Variants in CNTN6 observed in about 807,000 individuals in gnomAD.
The protein encoded by CNTN6 is contactin-6.
In CNTN6, 137 loss-of-function variants were observed where a neutral mutation model predicts 122.8. The ratio of observed to expected loss-of-function variants is 1.12; its 90% CI spans 0.97 to 1.29. The LOEUF (loss-of-function observed/expected upper bound fraction) is 1.29. Among genes scored for constraint, CNTN6 ranks in the 50% most tolerant of loss-of-function variants. CNTN6 has a pLI of 0.00. For synonymous variants in CNTN6, 570 were observed against 426.0 expected (o/e 1.34, Z -4.16); for missense variants, 1,634 against 1,223.4 (o/e 1.34, Z -5.01).
chr3:1,316,330 C>A (rs1042282129), intron 7 of CNTN6, among the ~76,000 whole-genome samples: 1 of 151,722 alleles, frequency 6.6e-6, no homozygotes, highest in Non-Finnish European at 1.5e-5. Context: ...TCTGGGGAGG[C>A]CTCAGGAAAC....
At chr3:1,229,130 C>T (rs1331741376) in intron 4 of CNTN6, among the ~76,000 whole-genome samples, 4 of 152,036 alleles carry the variant, frequency 2.6e-5, no homozygotes, top group South Asian at 4.1e-4. Flanking sequence ...AAGAAGTGAA[C>T]GTGGAAGTTT....
In CNTN6 at chr3:1,383,004, G is replaced by A. The variant is rs370576814; in HGVS notation, c.2229G>A (p.Val743=). The A allele has an allele frequency of 6.2e-7, 1 of 1,614,100 alleles. No individual in the cohort carries two copies. The change falls in exon 18 of 23, where the codon GTG becomes GTA. Residue 743 remains valine (V), a synonymous_variant. Coordinates refer to ENST00000446702, the MANE Select transcript of CNTN6 (RefSeq NM_001289080.2). The part of the protein sequence containing the change: ...GFGYIIMFRP[V]GSTTWSKEKV... ...GATATATCATCATGTTCCGGCCAGT[G>A]GGCTCGACAACCTGGTCCAAGGAGA...
At chr3:1,208,774 C>T (rs1286190497) in intron 2 of CNTN6, among the ~76,000 whole-genome samples, 1 of 146,922 alleles carries the variant, frequency 6.8e-6, no homozygotes, top group Admixed American at 6.8e-5. Context: ...TCGCAGAGTT[C>T]TTGAAAGGAC....
At chr3:1,099,891 C>T (rs1430679742) in intron 1 of CNTN6, among the ~76,000 whole-genome samples, 2 of 151,990 alleles carry the variant, frequency 1.3e-5, no homozygotes, top group African/African-American at 2.4e-5. Flanking sequence ...CTCCCTTTAT[C>T]GTATTTTAGT....
chr3:1,098,461 A>C lies in CNTN6; in HGVS notation c.-83+5341A>C, dbSNP rs1435111094. Among the ~76,000 whole-genome samples the C allele has an allele frequency of 2.0e-5, 3 of 151,944 alleles. No homozygotes were observed. In the South Asian group the frequency reaches 6.2e-4, roughly 32 times the overall value. On this transcript the variant is annotated intron_variant, in intron 1 of 22. Coordinates refer to ENST00000446702, the MANE Select transcript of CNTN6 (RefSeq NM_001289080.2). ...AGTAATGTATGCACCTGGAAACAAC[A>C]ACAATAAAATTTGAAATTATAGAGA...
intron 1 of CNTN6, among the ~76,000 whole-genome samples, chr3:1,093,777 T>A (rs2090368586): frequency 6.6e-6 from 1 of 152,198 alleles, no homozygotes; most frequent in Admixed American, 6.5e-5. Flanking sequence ...CTTATAATAC[T>A]TTATGAAAAC....
At chr3:1,246,009 C>T (rs189786451) in intron 4 of CNTN6, among the ~76,000 whole-genome samples, 1 of 152,238 alleles carries the variant, frequency 6.6e-6, no homozygotes, top group East Asian at 1.9e-4. Flanking sequence ...TGCATGCAGC[C>T]TGAGGGCTGT....
chr3:1,122,243 G>A (rs1045324161), intron 1 of CNTN6, among the ~76,000 whole-genome samples: 3 of 150,474 alleles, frequency 2.0e-5, no homozygotes, highest in East Asian at 2.0e-4. Context: ...AACCTTGCAG[G>A]AAATATACAT....
At chr3:1,131,035 T>C (rs1010227) in intron 1 of CNTN6, among the ~76,000 whole-genome samples, 40,847 of 152,018 alleles carry the variant, frequency 0.27, 6,583 homozygotes, top group African/African-American at 0.45. Context: ...TATCAGGTTG[T>C]TCCAGCGAAA....
chr3:1,174,503 G>A (rs902770058), intron 2 of CNTN6, among the ~76,000 whole-genome samples: 7 of 152,112 alleles, frequency 4.6e-5, no homozygotes, highest in Admixed American at 1.3e-4. Context: ...ATCTTCTGTC[G>A]TAAATATGAC....
rs768433383 is a variant in CNTN6 at position 1,327,535 on chromosome 3, G to A, written c.1162G>A (p.Ala388Thr). 1 of 1,610,806 alleles carries A rather than the reference G, an allele frequency of 6.2e-7. No homozygotes were observed. The change falls in exon 10 of 23, where the codon GCA becomes ACA. Residue 388 changes from alanine to threonine, a missense_variant. Coordinates refer to ENST00000446702, the MANE Select transcript of CNTN6 (RefSeq NM_001289080.2). ...VSDSGVYQCA[A>T]ENKYQIIYAN... ...AGATTCTGGTGTGTACCAATGTGCT[G>A]CAGAAAACAAATATCAGATAATTTA...
chr3:1,098,698 C>A (rs966450537), intron 1 of CNTN6, among the ~76,000 whole-genome samples: 5 of 148,726 alleles, frequency 3.4e-5, no homozygotes, highest in African/African-American at 7.3e-5. Flanking sequence ...CCTATTTTCA[C>A]ACTTTCACAA....
Position 1,147,930 on chromosome 3 carries a change from C to G in CNTN6, c.-79C>G, listed in dbSNP as rs193165252. On this transcript the variant is annotated 5_prime_UTR_variant, in exon 2 of 23. Coordinates refer to ENST00000446702, the MANE Select transcript of CNTN6 (RefSeq NM_001289080.2). Reference sequence around the variant, plus strand: ...ATGACAATTTTGTCTTTTTCAGACTCTTGAGATACTGACTGGAAGATAGAC... The same window carrying G: ...ATGACAATTTTGTCTTTTTCAGACTGTTGAGATACTGACTGGAAGATAGAC... The G allele has an allele frequency of 4.8e-4, 488 of 1,009,668 alleles. 3 individuals are homozygous for G. The highest frequency in any genetic ancestry group is 2.8e-4 in the Non-Finnish European group (182 of 641,170). 62.5% of individuals were successfully genotyped at this position (1,009,668 alleles called of 1,614,324 possible).
intron 5 of CNTN6, among the ~76,000 whole-genome samples, chr3:1,285,693 A>G (rs1192736506): frequency 6.6e-6 from 1 of 152,240 alleles, no homozygotes; most frequent in East Asian, 1.9e-4. Flanking sequence ...TCAACTAACT[A>G]TAACATAGCT....
intron 11 of CNTN6, among the ~76,000 whole-genome samples, chr3:1,348,805 T>G (rs1271071215): frequency 6.6e-6 from 1 of 151,958 alleles, no homozygotes; most frequent in Non-Finnish European, 1.5e-5. Context: ...TTTCCTGATT[T>G]ATAAAATAGG....
intron 11 of CNTN6, among the ~76,000 whole-genome samples, chr3:1,330,170 A>G (rs568733025): frequency 6.6e-6 from 1 of 152,066 alleles, no homozygotes; most frequent in East Asian, 1.9e-4. Context: ...TGCACTTGTA[A>G]TAGATTTTTA....
In CNTN6 at chr3:1,242,214, G is replaced by A. The variant is rs552579539; in HGVS notation, c.358+14221G>A. ...CTTGGTAATTTGCTGAGCCTAATGG[G>A]TGTCAGGGTCAGTCTAAGTGAAAGC... On this transcript the variant is annotated intron_variant, in intron 4 of 22. Transcript: ENST00000446702. Among the ~76,000 whole-genome samples the A allele has an allele frequency of 3.9e-5, 6 of 152,068 alleles. No individual in the cohort carries two copies. In the East Asian group the frequency reaches 1.2e-3, roughly 29 times the overall value.
intron 7 of CNTN6, among the ~76,000 whole-genome samples, chr3:1,301,082 G>C (rs1697318586): frequency 7.3e-6 from 1 of 137,604 alleles, no homozygotes; most frequent in Admixed American, 7.7e-5. Context: ...TGTCGCCCAG[G>C]CTGGAGTGCA....
chr3:1,192,355 T>A (rs1275625062), intron 2 of CNTN6, among the ~76,000 whole-genome samples: 2 of 152,190 alleles, frequency 1.3e-5, no homozygotes, highest in Non-Finnish European at 2.9e-5. Context: ...TCTAGCAAGC[T>A]ACTACTAATC....
Sources: allele counts gnomAD v4.1 joint callset (sites outside exome capture counted in the v4.1 genomes callset), GRCh38; gene constraint gnomAD v4.1.1; transcripts MANE v1.5; gene names NCBI Gene and HGNC (gene_info 2026-07-23, HGNC 2026-07-21).